SEMA4F: variants seen among roughly 807,000 people sequenced by gnomAD.
SEMA4F encodes the protein semaphorin-4F.
A neutral mutation model predicts 78.4 loss-of-function variants in SEMA4F; 51 were observed. The observed-to-expected ratio is 0.65, with a 90% CI of 0.52 to 0.82. SEMA4F has a LOEUF of 0.82. Among genes scored for constraint, SEMA4F ranks in the 40% least tolerant of loss-of-function variants. The pLI is 0.00. For missense variants in SEMA4F, 938 were observed against 1,014.4 expected (o/e 0.92, Z 1.02); for synonymous variants, 418 against 408.7 (o/e 1.02, Z -0.27).
At chr2:74,667,328 G>C (rs997730522) in intron 5 of SEMA4F, among the ~76,000 whole-genome samples, 7 of 152,182 alleles carry the variant, frequency 4.6e-5, no homozygotes, top group African/African-American at 1.4e-4. Flanking sequence ...GAATTGCTAG[G>C]TGTAAGAGTA....
At chr2:74,699,867 G>A in the SEMA4F span, among the ~76,000 whole-genome samples, 6 of 152,268 alleles carry the variant, frequency 3.9e-5, 1 homozygote, top group East Asian at 9.7e-4. Context: ...AGAGAACATA[G>A]GGCTGAGGAG....
the SEMA4F span, among the ~76,000 whole-genome samples, chr2:74,698,537 T>C: frequency 6.6e-6 from 1 of 152,184 alleles, no homozygotes; most frequent in Non-Finnish European, 1.5e-5. Flanking sequence ...CTTCCCAGCC[T>C]GGTTGTCAGG....
chr2:74,705,748 AG>A, the SEMA4F span, among the ~76,000 whole-genome samples: 2 of 151,916 alleles, frequency 1.3e-5, no homozygotes, highest in African/African-American at 4.8e-5. Context: ...TTTTTTTTGT[AG>A]AGATGGGATC....
chr2:74,708,838 A>G, the SEMA4F span, among the ~76,000 whole-genome samples: 1 of 152,230 alleles, frequency 6.6e-6, no homozygotes, highest in African/African-American at 2.4e-5. Flanking sequence ...ATTTAAAAAT[A>G]GAATGTCTCA....
At chr2:74,693,447 G>C in the SEMA4F span, among the ~76,000 whole-genome samples, 64 of 152,288 alleles carry the variant, frequency 4.2e-4, no homozygotes, top group African/African-American at 1.5e-3. Context: ...TTTCTAATAG[G>C]TTTGTAATAC....
intron 12 of SEMA4F, among the ~76,000 whole-genome samples, chr2:74,678,336 A>G (rs538508606): frequency 6.6e-6 from 1 of 152,296 alleles, no homozygotes; most frequent in South Asian, 2.1e-4. Context: ...AGTTCATCCA[A>G]GGGAGAAGAA....
Position 74,680,196 on chromosome 2 carries a change from A to C in SEMA4F, c.2300A>C (p.Glu767Ala). The C allele has an allele frequency of 1.9e-6, 3 of 1,576,324 alleles. No homozygotes were observed. The highest frequency in any genetic ancestry group is 2.6e-6 in the Non-Finnish European group (3 of 1,156,418). The change falls in exon 14 of 14, where the codon GAA (glutamate) becomes GCA (alanine). Residue 767 changes from glutamate (E) to alanine (A), a missense_variant. Coordinates refer to ENST00000357877, the MANE Select transcript of SEMA4F (RefSeq NM_004263.5). ...GGGGCTCCTCTAGCCACATGTGATG[A>C]AACATCCATCTAGAGCTGGGCAAAT... is the stretch of plus-strand genomic sequence containing the variant. The part of the protein sequence containing the change: ...LTGAPLATCD[E>A]TSI
Position 74,674,592 on chromosome 2 carries a change from C to T in SEMA4F, c.917C>T (p.Ser306Phe), listed in dbSNP as rs1431012560. 6.2e-7 allele frequency: 1 copy of T among 1,614,068 alleles called. No individual in the cohort carries two copies. Residue 306 changes from serine to phenylalanine, a missense_variant, in exon 8 of 14, where the codon TCC (serine) becomes TTC (phenylalanine). Ser to Phe is a radical substitution (Grantham distance 155). Transcript: ENST00000357877. ...CCAGGGCCTGAGCATGGCCGGGCCT[C>T]CAGTGTCCTGCAGGATGTTGCTGTG... is the stretch of plus-strand genomic sequence containing the variant. Reference protein sequence around the residue: ...LCPGPEHGRASSVLQDVAVLR... With the variant: ...LCPGPEHGRAFSVLQDVAVLR...
rs138774343 is a variant in SEMA4F, at chr2:74,683,275, G to A, written c.*3066G>A. On this transcript the variant is annotated 3_prime_UTR_variant, in exon 14 of 14. Coordinates refer to ENST00000357877, the MANE Select transcript of SEMA4F (RefSeq NM_004263.5). ...GGCACGTTGCATGTCTGTCAAGTAA[G>A]GGCCACTAATCACCTCACATGGGTT... 8 of 152,312 alleles carry A rather than the reference G, an allele frequency of 5.3e-5. No homozygotes were observed. Among genetic ancestry groups the A allele is most frequent in the African/African-American group, 1.9e-4 (8 of 41,576 alleles). 9.4% of individuals were successfully genotyped at this position (152,312 alleles called of 1,614,324 possible).
At position 74,657,837 on chromosome 2, in the gene SEMA4F, C is replaced by G. The variant is rs199893721; in HGVS notation, c.358-16C>G. 1 of 1,609,360 alleles carries G rather than the reference C, an allele frequency of 6.2e-7. No homozygotes were observed. Among genetic ancestry groups the G allele is most frequent in the Non-Finnish European group, 8.5e-7 (1 of 1,175,628 alleles). On this transcript the variant is annotated splice_polypyrimidine_tract_variant and intron_variant, in intron 3 of 13. Transcript: ENST00000357877. Reference sequence around the variant, plus strand: ...CCTGCTGCTTCTGATTCTTTCTAACCGTCTCTGACCCCCAGGACGAATGTC... The same window carrying G: ...CCTGCTGCTTCTGATTCTTTCTAACGGTCTCTGACCCCCAGGACGAATGTC...
the SEMA4F span, among the ~76,000 whole-genome samples, chr2:74,699,713 G>A: frequency 6.6e-6 from 1 of 152,186 alleles, no homozygotes; most frequent in Non-Finnish European, 1.5e-5. Flanking sequence ...AGAAGGAGCG[G>A]TTGGAGAGGC....
chr2:74,679,907 C>A lies in SEMA4F; in HGVS notation c.2011C>A (p.Leu671Ile). The change falls in exon 14 of 14, where the codon CTC (leucine) becomes ATC (isoleucine). Residue 671 changes from leucine (L) to isoleucine (I), a missense_variant. Leu to Ile is a conservative substitution (Grantham distance 5). Transcript: ENST00000357877. ...AGLAGFFLGI[L>I]AASLTLILIG... ...ACTGGCTGGCTTCTTCTTGGGGATT[C>A]TCGCAGCATCCCTGACTCTCATTCT... 6.2e-7 allele frequency: 1 copy of A among 1,614,214 alleles called. No homozygotes were observed. The highest frequency in any genetic ancestry group is 8.5e-7 in the Non-Finnish European group (1 of 1,180,052).
downstream of SEMA4F, among the ~76,000 whole-genome samples, chr2:74,686,117 T>C (rs1685817960): frequency 6.6e-6 from 1 of 151,908 alleles, no homozygotes; most frequent in South Asian, 2.1e-4. Context: ...TTTTTTTTTT[T>C]GAGACAGAGT....
chr2:74,662,877 C>T, intron 5 of SEMA4F, 52 bp downstream of exon 5: 1 of 1,414,334 alleles, frequency 7.1e-7, no homozygotes, highest in Non-Finnish European at 1.0e-6. Flanking sequence ...GCCTCCTTCC[C>T]CACCCTTGCT....
At chr2:74,656,082 C>G (rs567422128) in intron 1 of SEMA4F, among the ~76,000 whole-genome samples, 3 of 151,310 alleles carry the variant, frequency 2.0e-5, no homozygotes, top group South Asian at 4.2e-4. Flanking sequence ...GATCTTGGCT[C>G]ACTGCAACCT....
chr2:74,668,231 T>C (rs1684793956), intron 5 of SEMA4F, among the ~76,000 whole-genome samples: 1 of 152,224 alleles, frequency 6.6e-6, no homozygotes, highest in Admixed American at 6.5e-5. Flanking sequence ...TGTATGGTTT[T>C]GGTGTCATTG....
intron 5 of SEMA4F, among the ~76,000 whole-genome samples, chr2:74,671,437 C>T (rs1436404707): frequency 6.6e-6 from 1 of 152,168 alleles, no homozygotes; most frequent in African/African-American, 2.4e-5. Flanking sequence ...GTGCATGAGC[C>T]CTGTGGTTCT....
chr2:74,680,229 A>G lies in SEMA4F; in HGVS notation c.*20A>G. The stretch of plus-strand genomic sequence containing the variant: ...ATCTAGAGCTGGGCAAATGACCACT[A>G]GTGTATAAGTGATCACTGGAACGGA... On this transcript the variant is annotated 3_prime_UTR_variant, in exon 14 of 14. Coordinates refer to ENST00000357877, the MANE Select transcript of SEMA4F (RefSeq NM_004263.5). The G allele has an allele frequency of 6.5e-7, 1 of 1,531,746 alleles. No homozygotes were observed. The highest frequency in any genetic ancestry group is 8.8e-7 in the Non-Finnish European group (1 of 1,135,960). 94.9% of individuals were successfully genotyped at this position (1,531,746 alleles called of 1,614,324 possible). A position where few individuals can be genotyped will look rare whatever the true frequency, so the allele number is the denominator to read the frequency against.
the SEMA4F span, among the ~76,000 whole-genome samples, chr2:74,706,253 AG>A: frequency 6.6e-6 from 1 of 152,240 alleles, no homozygotes; most frequent in African/African-American, 2.4e-5. Context: ...ATTAGAAACT[AG>A]CCTAAGATTG....
Sources: allele counts gnomAD v4.1 joint callset (sites outside exome capture counted in the v4.1 genomes callset), GRCh38; gene constraint gnomAD v4.1.1; transcripts MANE v1.5; gene names NCBI Gene and HGNC (gene_info 2026-07-23, HGNC 2026-07-21).